MIPOL1: variants seen among roughly 807,000 people sequenced by gnomAD.
MIPOL1 encodes the protein mirror-image polydactyly 1.
A neutral mutation model predicts 60.9 loss-of-function variants in MIPOL1; 57 were observed. The ratio of observed to expected loss-of-function variants is 0.94; its 90% confidence interval spans 0.76 to 1.17. The LOEUF (loss-of-function observed/expected upper bound fraction) is 1.17, where lower values mean the gene tolerates loss of function less well. Among genes scored for constraint, MIPOL1 ranks in the 50% most tolerant of loss-of-function variants. MIPOL1 has a pLI of 0.00. For synonymous variants in MIPOL1, 179 were observed against 168.8 expected (o/e 1.06, Z -0.47); for missense variants, 551 against 511.6 (o/e 1.08, Z -0.74).
At chr14:37,275,955 T>G (rs1473323305) in intron 6 of MIPOL1, among the ~76,000 whole-genome samples, 1 of 151,152 alleles carries the variant, frequency 6.6e-6, no homozygotes, top group Non-Finnish European at 1.5e-5. Flanking sequence ...CTTATTAACC[T>G]TTGGTACAAA....
At chr14:37,231,974 C>T (rs527434858) in intron 1 of MIPOL1, among the ~76,000 whole-genome samples, 1 of 151,794 alleles carries the variant, frequency 6.6e-6, no homozygotes, top group Non-Finnish European at 1.5e-5. Flanking sequence ...CTAAGCTACT[C>T]AGGAGGCTGA....
intron 1 of MIPOL1, among the ~76,000 whole-genome samples, chr14:37,226,273 A>T (rs890772242): frequency 3.3e-5 from 5 of 152,186 alleles, no homozygotes; most frequent in Admixed American, 6.5e-5. Flanking sequence ...AATTTGCTGT[A>T]TTAGTCTGCT....
intron 6 of MIPOL1, among the ~76,000 whole-genome samples, chr14:37,275,127 C>T (rs1182266975): frequency 1.3e-5 from 2 of 150,828 alleles, no homozygotes; most frequent in African/African-American, 4.8e-5. Flanking sequence ...TTTAAAATCT[C>T]TAAAAAAAAG....
intron 10 of MIPOL1, among the ~76,000 whole-genome samples, chr14:37,421,036 G>A (rs2093864513): frequency 6.6e-6 from 1 of 152,102 alleles, no homozygotes; most frequent in Admixed American, 6.6e-5. Context: ...TGAATTGAGT[G>A]AACTGTTATA....
At chr14:37,365,205 C>G (rs1197409723) in intron 9 of MIPOL1, among the ~76,000 whole-genome samples, 6 of 152,154 alleles carry the variant, frequency 3.9e-5, no homozygotes, top group Admixed American at 6.5e-5. Flanking sequence ...TTATTTCTTT[C>G]TCTTGTCCGA....
chr14:37,334,463 A>G lies in MIPOL1; in HGVS notation c.828+25944A>G, dbSNP rs1022357061. Among the ~76,000 whole-genome samples the G allele has an allele frequency of 3.3e-5, 5 of 152,150 alleles. No homozygotes were observed. In the South Asian group the frequency reaches 1.0e-3, roughly 32 times the overall value. On this transcript the variant is annotated intron_variant, in intron 9 of 12. Coordinates refer to ENST00000684589, the MANE Select transcript of MIPOL1 (RefSeq NM_001388067.1). ...ATGGAACTGTATCGACAGTAGAAAT[A>G]GATTCATTCATATATAATTACTTAA... is the stretch of plus-strand genomic sequence containing the variant.
chr14:37,322,869 A>C (rs1429146833), intron 9 of MIPOL1, among the ~76,000 whole-genome samples: 1 of 151,858 alleles, frequency 6.6e-6, no homozygotes, highest in East Asian at 1.9e-4. Flanking sequence ...GTAGATTCTG[A>C]ATATTAGACC....
intron 1 of MIPOL1, among the ~76,000 whole-genome samples, chr14:37,246,699 A>G (rs903529173): frequency 4.6e-5 from 7 of 152,130 alleles, no homozygotes; most frequent in Non-Finnish European, 5.9e-5. Context: ...GAGCTGAACT[A>G]TAATTGCTTG....
At chr14:37,230,723 G>A (rs1364117150) in intron 1 of MIPOL1, among the ~76,000 whole-genome samples, 1 of 152,092 alleles carries the variant, frequency 6.6e-6, no homozygotes, top group African/African-American at 2.4e-5. Context: ...TAGGTTTACT[G>A]CAAAATTAAT....
At chr14:37,464,036 C>T (rs527513025) in intron 11 of MIPOL1, among the ~76,000 whole-genome samples, 52 of 152,154 alleles carry the variant, frequency 3.4e-4, no homozygotes, top group East Asian at 1.9e-4. Context: ...AGAAGAAGAA[C>T]GCAAATTAAA....
chr14:37,385,903 G>C (rs1434195366), intron 10 of MIPOL1: 1 of 151,910 alleles, frequency 6.6e-6, no homozygotes, highest in East Asian at 1.9e-4. Flanking sequence ...CTAACATATA[G>C]CTTTGTTAAT....
At position 37,268,675 on chromosome 14, in the gene MIPOL1, A is replaced by G. The variant is rs1363298434; in HGVS notation, c.269A>G (p.His90Arg). ...TATTACAGCGTTATGGAACATAGACATAATGATATGCATTATGAATGTATG... is the reference window on the plus strand; with the variant it reads ...TATTACAGCGTTATGGAACATAGACGTAATGATATGCATTATGAATGTATG... ...TEKYNVMEHR[H>R]NDMHYECMTP... Residue 90 changes from histidine to arginine, a missense_variant, in exon 5 of 13, where the codon CAT (histidine) becomes CGT (arginine). His to Arg is a conservative substitution (Grantham distance 29). Coordinates refer to ENST00000684589, the MANE Select transcript of MIPOL1 (RefSeq NM_001388067.1). 1 of 1,595,544 alleles carries G rather than the reference A, an allele frequency of 6.3e-7. No homozygotes were observed.
At chr14:37,202,675 G>A (rs1965518298) in intron 1 of MIPOL1, among the ~76,000 whole-genome samples, 1 of 152,150 alleles carries the variant, frequency 6.6e-6, no homozygotes, top group African/African-American at 2.4e-5. Context: ...CTTAGGTGAT[G>A]CTTTCATATT....
At chr14:37,294,903 TC>T (rs1415045587) in intron 7 of MIPOL1, among the ~76,000 whole-genome samples, 1 of 152,052 alleles carries the variant, frequency 6.6e-6, no homozygotes, top group African/African-American at 2.4e-5. Context: ...CAGGAGAACT[TC>T]CCCAATCTAG....
At chr14:37,537,042 A>G (rs1237299388) in intron 12 of MIPOL1, among the ~76,000 whole-genome samples, 4 of 152,172 alleles carry the variant, frequency 2.6e-5, no homozygotes, top group African/African-American at 9.6e-5. Flanking sequence ...CTAGGTATCT[A>G]CTCTGCTTAA....
intron 11 of MIPOL1, among the ~76,000 whole-genome samples, chr14:37,459,159 A>G (rs1035535583): frequency 6.6e-6 from 1 of 152,132 alleles, no homozygotes. Context: ...GAAAAGAAAT[A>G]ACAAAGCTCA....
chr14:37,465,684 T>G (rs529876113), intron 11 of MIPOL1, among the ~76,000 whole-genome samples: 3 of 152,270 alleles, frequency 2.0e-5, no homozygotes, highest in African/African-American at 7.2e-5. Flanking sequence ...ATGTAATTTG[T>G]GACTTTCTAC....
intron 12 of MIPOL1, chr14:37,506,324 A>C (rs190484193): frequency 3.8e-4 from 58 of 152,234 alleles, no homozygotes; most frequent in African/African-American, 1.4e-3. Context: ...AAAGCTGGAG[A>C]CATCATGCTA....
At chr14:37,411,246 C>T (rs114918920) in intron 10 of MIPOL1, among the ~76,000 whole-genome samples, 1,540 of 152,222 alleles carry the variant, frequency 0.01, 29 homozygotes, top group African/African-American at 0.034. Flanking sequence ...AGTCATGTCT[C>T]CCTGACAGAA....
Sources: gnomAD v4.1 joint callset for allele counts (sites outside exome capture counted in the v4.1 genomes callset) on GRCh38, gnomAD v4.1.1 for gene constraint, MANE v1.5 for transcripts, NCBI Gene and HGNC (gene_info 2026-07-23, HGNC 2026-07-21) for gene names.